Variants in CREB5 observed in about 807,000 individuals in gnomAD.
CREB5 encodes cyclic AMP-responsive element-binding protein 5.
A neutral mutation model predicts 57.1 loss-of-function variants in CREB5; 19 were observed. The observed-to-expected ratio is 0.33, with a 90% confidence interval of 0.23 to 0.49. The LOEUF (loss-of-function observed/expected upper bound fraction) is 0.49. Ranked by LOEUF, CREB5 falls within the 20% of genes least tolerant of loss-of-function variation. The pLI, the probability that CREB5 is intolerant of heterozygous loss-of-function variation, is 0.99. For missense variants in CREB5, 579 were observed against 671.6 expected (o/e 0.86, Z 1.52); for synonymous variants, 238 against 238.3 (o/e 1.00, Z 0.01).
chr7:28,373,732 T>C (rs185110055), intron 1 of CREB5, among the ~76,000 whole-genome samples: 159 of 152,132 alleles, frequency 1.0e-3, no homozygotes, highest in Non-Finnish European at 1.2e-3. Context: ...AGCCTAAATT[T>C]TCCTCTTAAT....
At chr7:28,591,384 CCT>C (rs1256248839) in intron 5 of CREB5, among the ~76,000 whole-genome samples, 1 of 152,156 alleles carries the variant, frequency 6.6e-6, no homozygotes, top group African/African-American at 2.4e-5. Flanking sequence ...TTTTTTTCCC[CCT>C]CTGTCCTTCC....
intron 5 of CREB5, among the ~76,000 whole-genome samples, chr7:28,665,162 C>T (rs577352068): frequency 6.6e-6 from 1 of 152,232 alleles, no homozygotes; most frequent in East Asian, 1.9e-4. Flanking sequence ...CTAGCTTGAC[C>T]TCTGCTGCTG....
chr7:28,342,946 T>A (rs2127989145), intron 1 of CREB5, among the ~76,000 whole-genome samples: 1 of 152,210 alleles, frequency 6.6e-6, no homozygotes, highest in Admixed American at 6.5e-5. Context: ...TGTAATACTT[T>A]TTTTTTTTTC....
intron 1 of CREB5, among the ~76,000 whole-genome samples, chr7:28,450,932 G>T (rs138479849): frequency 6.6e-6 from 1 of 152,328 alleles, no homozygotes; most frequent in Non-Finnish European, 1.5e-5. Context: ...CACCATTCTA[G>T]ACCATTTGCA....
chr7:28,486,035 C>A (rs1173081751), intron 1 of CREB5, among the ~76,000 whole-genome samples: 2 of 152,040 alleles, frequency 1.3e-5, no homozygotes, highest in Admixed American at 6.6e-5. Context: ...GGATTTTGAA[C>A]AATATGCTTA....
chr7:28,511,222 T>A (rs1792688708), intron 4 of CREB5, among the ~76,000 whole-genome samples: 1 of 150,576 alleles, frequency 6.6e-6, no homozygotes, highest in Admixed American at 6.6e-5. Flanking sequence ...AGGCAGGCAT[T>A]GATGGTTAGT....
intron 9 of CREB5, 82 bp downstream of exon 9, chr7:28,809,496 C>A: frequency 7.7e-7 from 1 of 1,297,112 alleles, no homozygotes; most frequent in Non-Finnish European, 1.1e-6. Flanking sequence ...CACTTGTTGA[C>A]CTAAGCAGTG....
intron 5 of CREB5, among the ~76,000 whole-genome samples, chr7:28,587,058 T>C (rs181173681): frequency 1.3e-5 from 2 of 152,366 alleles, no homozygotes; most frequent in Admixed American, 6.5e-5. Flanking sequence ...ACAACTCAAA[T>C]GTCATTACAA....
At chr7:28,393,859 G>T (rs1057105010) in intron 1 of CREB5, among the ~76,000 whole-genome samples, 2 of 152,120 alleles carry the variant, frequency 1.3e-5, no homozygotes, top group African/African-American at 2.4e-5. Flanking sequence ...TGGATCACCT[G>T]AGGTCAGGAG....
chr7:28,551,920 T>TTTTC (rs142014072), intron 4 of CREB5, among the ~76,000 whole-genome samples: 4 of 150,010 alleles, frequency 2.7e-5, no homozygotes, highest in Admixed American at 2.6e-4. Flanking sequence ...TCTTTCTCTT[T>TTTTC]TTTCTTTCTT....
chr7:28,362,753 TAC>T (rs1786511943), intron 1 of CREB5, among the ~76,000 whole-genome samples: 1 of 152,164 alleles, frequency 6.6e-6, no homozygotes, highest in East Asian at 1.9e-4. Context: ...TGGGTAGAGG[TAC>T]ACACACATGA....
At chr7:28,362,590 C>G (rs148972245) in intron 1 of CREB5, among the ~76,000 whole-genome samples, 13 of 152,156 alleles carry the variant, frequency 8.5e-5, no homozygotes. Flanking sequence ...AATAGAATTG[C>G]AATTCTTGAT....
At chr7:28,413,704 G>A (rs1184952431) in intron 1 of CREB5, among the ~76,000 whole-genome samples, 1 of 152,038 alleles carries the variant, frequency 6.6e-6, no homozygotes, top group Non-Finnish European at 1.5e-5. Flanking sequence ...ACAAAAAATT[G>A]GAAACCATGC....
intron 4 of CREB5, among the ~76,000 whole-genome samples, chr7:28,569,095 C>A (rs1795597368): frequency 6.6e-6 from 1 of 152,062 alleles, no homozygotes; most frequent in Admixed American, 6.5e-5. Flanking sequence ...CTTATAAAGA[C>A]TTACTTATTG....
chr7:28,308,132 G>T (rs572132876), intron 1 of CREB5, among the ~76,000 whole-genome samples: 95 of 152,268 alleles, frequency 6.2e-4, no homozygotes, highest in African/African-American at 2.2e-3. Context: ...AGCCTTAGGG[G>T]CCCTGATAAG....
intron 5 of CREB5, among the ~76,000 whole-genome samples, chr7:28,671,953 T>C (rs1045443963): frequency 2.0e-5 from 3 of 152,126 alleles, no homozygotes; most frequent in Admixed American, 6.5e-5. Flanking sequence ...TATTACACTT[T>C]CTTAATCTTT....
chr7:28,581,529 A>G (rs1796124912), intron 5 of CREB5, among the ~76,000 whole-genome samples: 1 of 152,190 alleles, frequency 6.6e-6, no homozygotes, highest in African/African-American at 2.4e-5. Context: ...CTTAAAGAGA[A>G]TCACAAACGC....
intron 5 of CREB5, among the ~76,000 whole-genome samples, chr7:28,584,182 C>T (rs1265355173): frequency 6.6e-6 from 1 of 152,174 alleles, no homozygotes; most frequent in South Asian, 2.1e-4. Flanking sequence ...CAGTCCTTTA[C>T]TTCTTCCTCC....
At position 28,432,880 on chromosome 7, in the gene CREB5, A is replaced by G. The variant is rs192025818; in HGVS notation, c.3+19963A>G. 8.3e-4 allele frequency among the ~76,000 whole-genome samples: 127 copies of G among 152,352 alleles called. No individual in the cohort carries two copies. The East Asian group carries it at 0.023, about 28-fold the overall frequency. On this transcript the variant is annotated intron_variant, in intron 1 of 10. Transcript: ENST00000357727. ...ATGGTGATTTTGATACATATCCTTC[A>G]TATAATCTATGTCTTCATCCATATC...
Sources: allele counts gnomAD v4.1 joint callset (sites outside exome capture counted in the v4.1 genomes callset), GRCh38; gene constraint gnomAD v4.1.1; transcripts MANE v1.5; gene names NCBI Gene and HGNC (gene_info 2026-07-23, HGNC 2026-07-21).